The following ZNF280B variants were observed in gnomAD, a reference collection of about 807,000 sequenced individuals.
ZNF280B encodes zinc finger protein 280B, also known as suppressor of hairy wing homolog 2.
In ZNF280B, 16 loss-of-function variants were observed where a neutral mutation model predicts 38.0. That is an observed-to-expected ratio of 0.42 (90% CI 0.28 to 0.64). ZNF280B has a LOEUF of 0.64. Among genes scored for constraint, ZNF280B ranks in the 30% least tolerant of loss-of-function variants. The pLI is 0.21. For synonymous variants in ZNF280B, 253 were observed against 230.6 expected (o/e 1.10, Z -0.88); for missense variants, 581 against 639.6 (o/e 0.91, Z 0.99).
rs537743866 is a variant in ZNF280B, at chr22:22,488,426, C to A, written c.973G>T (p.Val325Leu). 3 of 1,613,882 alleles carry A rather than the reference C, an allele frequency of 1.9e-6. No homozygotes were observed. The Admixed American group carries it at 5.0e-5, about 27-fold the overall frequency. ...TTCTCAAATTCCAAATGATGCTTCA[C>A]GTGATTCATAAACTTAACATTTTTT... ...VLKNVKFMNH[V>L]KHHLEFEKQR... The change falls in exon 4 of 4, where the codon GTG becomes TTG. Residue 325 changes from valine (V) to leucine (L), a missense_variant. Coordinates refer to ENST00000626650, the MANE Select transcript of ZNF280B (RefSeq NM_080764.4).
At position 22,488,238 on chromosome 22, in the gene ZNF280B, G is replaced by C; in HGVS notation, c.1161C>G (p.Val387=). Reference sequence around the variant, plus strand: ...GATGGTCCTTCATGTGTTGTAAGAGGACCTGATCTGTTTCAAATGACAATT... The same window carrying C: ...GATGGTCCTTCATGTGTTGTAAGAGCACCTGATCTGTTTCAAATGACAATT... ...ICELSFETDQ[V]LLQHMKDHHK... is the part of the protein sequence containing the mutation. The change falls in exon 4 of 4, where the codon GTC becomes GTG. Residue 387 remains valine, a synonymous_variant. Coordinates refer to ENST00000626650, the MANE Select transcript of ZNF280B (RefSeq NM_080764.4). 1 of 1,613,864 alleles carries C rather than the reference G, an allele frequency of 6.2e-7. No homozygotes were observed. Among genetic ancestry groups the C allele is most frequent in the South Asian group, 1.1e-5 (1 of 91,072 alleles).
At chr22:22,496,795 A>C (rs141932561) in intron 2 of ZNF280B, among the ~76,000 whole-genome samples, 1 of 150,740 alleles carries the variant, frequency 6.6e-6, no homozygotes, top group Non-Finnish European at 1.5e-5. Context: ...GTGTGTGGCT[A>C]TAACAGTGAG....
At chr22:22,508,568 G>C (rs773330169) in intron 1 of ZNF280B, 91 bp downstream of exon 1, 5 of 152,136 alleles carry the variant, frequency 3.3e-5, no homozygotes, top group Non-Finnish European at 7.3e-5. Flanking sequence ...GCCAAGCGCG[G>C]TGTCGCGACC....
chr22:22,507,415 A>T (rs1279390779), intron 2 of ZNF280B, among the ~76,000 whole-genome samples: 1 of 151,920 alleles, frequency 6.6e-6, no homozygotes, highest in East Asian at 2.0e-4. Flanking sequence ...AATTCACTAT[A>T]ATCTCACCTA....
intron 2 of ZNF280B, among the ~76,000 whole-genome samples, chr22:22,499,664 T>C (rs76281829): frequency 0.042 from 6,425 of 151,996 alleles, 195 homozygotes; most frequent in Middle Eastern, 0.1. Context: ...ACAAAACGAT[T>C]GGGAATAGAA....
chr22:22,485,968 T>A lies in ZNF280B; in HGVS notation c.*1799A>T, dbSNP rs1397810481. ...ACTCAAAAGGTACTCCAGAATACTG[T>A]GAAACAGCCCCTGGGGAGAGCAAGG... is the stretch of plus-strand genomic sequence containing the variant. On this transcript the variant is annotated 3_prime_UTR_variant, in exon 4 of 4. Coordinates refer to ENST00000626650, the MANE Select transcript of ZNF280B (RefSeq NM_080764.4). 1.3e-5 allele frequency: 2 copies of A among 151,946 alleles called. No homozygotes were observed. The highest frequency in any genetic ancestry group is 4.8e-5 in the African/African-American group (2 of 41,342). The allele number at this position is 151,946 out of a possible 1,614,324, so 9.4% of individuals were successfully genotyped here.
rs766394881 is a variant in ZNF280B at position 22,485,712 on chromosome 22, G to A, written c.*2055C>T. ...TAACTAGATTGAGGAGGGAAGAAAGGAGTGGGGAGAGATAAGGTACCTTTA... is the reference window on the plus strand; with the variant it reads ...TAACTAGATTGAGGAGGGAAGAAAGAAGTGGGGAGAGATAAGGTACCTTTA... On this transcript the variant is annotated 3_prime_UTR_variant, in exon 4 of 4. Transcript: ENST00000626650. 3 of 151,986 alleles carry A rather than the reference G, an allele frequency of 2.0e-5. No homozygotes were observed. The highest frequency in any genetic ancestry group is 4.4e-5 in the Non-Finnish European group (3 of 68,026). The allele number at this position is 151,986 out of a possible 1,614,324, so 9.4% of individuals were successfully genotyped here.
At position 22,487,067 on chromosome 22, in the gene ZNF280B, A is replaced by G. The variant is rs1396967100; in HGVS notation, c.*700T>C. 1 of 151,988 alleles carries G rather than the reference A, an allele frequency of 6.6e-6. No homozygotes were observed. The highest frequency in any genetic ancestry group is 2.4e-5 in the African/African-American group (1 of 41,404). 9.4% of individuals were successfully genotyped at this position (151,988 alleles called of 1,614,324 possible). ...TGAATGCATGGAAAAAGCTGTAAAG[A>G]AAACTAAGTATTTCAAAAATTCTAT... is the stretch of plus-strand genomic sequence containing the variant. On this transcript the variant is annotated 3_prime_UTR_variant, in exon 4 of 4. Transcript: ENST00000626650.
chr22:22,500,503 C>T (rs991771213), intron 2 of ZNF280B, among the ~76,000 whole-genome samples: 2 of 151,818 alleles, frequency 1.3e-5, no homozygotes, highest in Non-Finnish European at 2.9e-5. Context: ...AAGACAAATA[C>T]TTTTGTATTT....
chr22:22,508,196 G>C (rs942238883), intron 1 of ZNF280B, among the ~76,000 whole-genome samples: 1 of 151,890 alleles, frequency 6.6e-6, no homozygotes, highest in Non-Finnish European at 1.5e-5. Context: ...TGCGGTAGGG[G>C]AGAGAGACCC....
intron 2 of ZNF280B, among the ~76,000 whole-genome samples, chr22:22,501,087 C>A (rs189447284): frequency 0.024 from 3,563 of 149,008 alleles, 72 homozygotes; most frequent in Middle Eastern, 0.1. Context: ...TAATGGTTAC[C>A]AAGGGCTAGG....
intron 2 of ZNF280B, among the ~76,000 whole-genome samples, chr22:22,504,767 T>C (rs1241358804): frequency 6.6e-6 from 1 of 151,894 alleles, no homozygotes; most frequent in African/African-American, 2.4e-5. Context: ...ACAGGAATGA[T>C]CAAGAATCTG....
At chr22:22,496,601 A>G (rs2061700056) in intron 2 of ZNF280B, among the ~76,000 whole-genome samples, 1 of 151,838 alleles carries the variant, frequency 6.6e-6, no homozygotes, top group South Asian at 2.1e-4. Context: ...TGGGCATTCA[A>G]TTCTAAGATA....
rs2061502147 is a variant in ZNF280B at position 22,486,406 on chromosome 22, C to T, written c.*1361G>A. On this transcript the variant is annotated 3_prime_UTR_variant, in exon 4 of 4. Transcript: ENST00000626650. ...CAGTCCAGGAACTGGACAGACACCA[C>T]TTGTTTGGCCCTTTTCAGTTAAAAC... The T allele has an allele frequency of 6.8e-6, 1 of 147,394 alleles. No homozygotes were observed. Among genetic ancestry groups the T allele is most frequent in the African/African-American group, 2.7e-5 (1 of 36,588 alleles). 9.1% of individuals were successfully genotyped at this position (147,394 alleles called of 1,614,324 possible).
chr22:22,499,385 C>T (rs1443515323), intron 2 of ZNF280B, among the ~76,000 whole-genome samples: 1 of 151,864 alleles, frequency 6.6e-6, no homozygotes, highest in African/African-American at 2.4e-5. Context: ...CTGCCTCTGC[C>T]TCCCAAGTAG....
chr22:22,497,142 G>GA (rs1263894872), intron 2 of ZNF280B, among the ~76,000 whole-genome samples: 1 of 128,292 alleles, frequency 7.8e-6, no homozygotes, highest in Non-Finnish European at 1.6e-5. Flanking sequence ...AAGCAACAGA[G>GA]AAAATCAGTC....
At chr22:22,502,151 G>A (rs376920265) in intron 2 of ZNF280B, among the ~76,000 whole-genome samples, 6 of 151,804 alleles carry the variant, frequency 4.0e-5, no homozygotes, top group Admixed American at 6.6e-5. Flanking sequence ...AAAAATGGGC[G>A]AAGGATTTGA....
In ZNF280B at chr22:22,489,443, T is replaced by C; in HGVS notation, c.-45A>G. 6.6e-6 allele frequency: 10 copies of C among 1,522,228 alleles called. No individual in the cohort carries two copies. The highest frequency in any genetic ancestry group is 8.8e-6 in the Non-Finnish European group (10 of 1,134,788). 94.3% of individuals were successfully genotyped at this position (1,522,228 alleles called of 1,614,324 possible). ...TGAATGGTGGGGCCACAAGTCCCAATGCTTCCTTTATATAAACTGCCACCT... is the reference window on the plus strand; with the variant it reads ...TGAATGGTGGGGCCACAAGTCCCAACGCTTCCTTTATATAAACTGCCACCT... On this transcript the variant is annotated 5_prime_UTR_variant, in exon 4 of 4. Transcript: ENST00000626650.
In ZNF280B at chr22:22,488,925, T is replaced by C. The variant is rs768837855; in HGVS notation, c.474A>G (p.Thr158=). 4 of 1,613,734 alleles carry C rather than the reference T, an allele frequency of 2.5e-6. No individual in the cohort carries two copies. The highest frequency in any genetic ancestry group is 3.4e-6 in the Non-Finnish European group (4 of 1,179,988). The part of the protein sequence containing the change: ...FTDSLHHPVS[T]ALSVGGINES... ...CATTTATACCTCCTACTGAAAGTGC[T>C]GTACTTACTGGATGATGCAATGAAT... Residue 158 remains threonine (T), a synonymous_variant, in exon 4 of 4, where the codon ACA becomes ACG. Transcript: ENST00000626650.
Sources: allele counts gnomAD v4.1 joint callset (sites outside exome capture counted in the v4.1 genomes callset), GRCh38; gene constraint gnomAD v4.1.1; transcripts MANE v1.5; gene names NCBI Gene and HGNC (gene_info 2026-07-23, HGNC 2026-07-21).